Variants in AFF4 observed in about 807,000 individuals in gnomAD.
AFF4 encodes the protein ALF transcription elongation factor 4, also known as AF4/FMR2 family member 4.
A neutral mutation model predicts 124.8 loss-of-function variants in AFF4; 13 were observed. That is an observed-to-expected ratio of 0.10 (90% confidence interval 0.07 to 0.17). The LOEUF is 0.17. Ranked by LOEUF, AFF4 falls within the 10% of genes least tolerant of loss-of-function variation. The probability of loss-of-function intolerance (pLI) is 1.00; values close to 1 mark genes in which losing one functional copy is unlikely to be tolerated. For synonymous variants in AFF4, 477 were observed against 496.1 expected, an observed-to-expected ratio of 0.96 and a Z score of 0.51; for missense variants, 1,092 against 1,403.8, an observed-to-expected ratio of 0.78 and a Z score of 3.55.
At chr5:132,942,124 A>G (rs187426612) in intron 1 of AFF4, among the ~76,000 whole-genome samples, 4 of 152,256 alleles carry the variant, frequency 2.6e-5, no homozygotes, top group African/African-American at 9.6e-5. Context: ...TCAGTCCCCA[A>G]GGCTGCTCCC....
chr5:132,952,216 T>C (rs1383813875), intron 1 of AFF4, among the ~76,000 whole-genome samples: 1 of 152,208 alleles, frequency 6.6e-6, no homozygotes, highest in Non-Finnish European at 1.5e-5. Context: ...ACTAATACTT[T>C]CCAAAATGCC....
At position 132,879,091 on chromosome 5, in the gene AFF4, G is replaced by A. The variant is rs1581263108; in HGVS notation, c.*1968C>T. 1 of 221,576 alleles carries A rather than the reference G, an allele frequency of 4.5e-6. No homozygotes were observed. The highest frequency in any genetic ancestry group is 9.0e-6 in the Non-Finnish European group (1 of 110,926). 13.7% of individuals were successfully genotyped at this position (221,576 alleles called of 1,614,324 possible). Reference sequence around the variant, plus strand: ...AAGATTAAGTTAGAAAGATATCAGAGGCAATTTCTCCAAGAGAAACAGGTT... The same window carrying A: ...AAGATTAAGTTAGAAAGATATCAGAAGCAATTTCTCCAAGAGAAACAGGTT... On this transcript the variant is annotated 3_prime_UTR_variant, in exon 21 of 21. Transcript: ENST00000265343.
At chr5:132,925,846 G>T (rs536275639) in intron 5 of AFF4, among the ~76,000 whole-genome samples, 3 of 152,280 alleles carry the variant, frequency 2.0e-5, no homozygotes, top group African/African-American at 7.2e-5. Flanking sequence ...ATTTGTGAGT[G>T]TATGTATTAA....
intron 1 of AFF4, among the ~76,000 whole-genome samples, chr5:132,961,619 G>A (rs1762084166): frequency 6.6e-6 from 1 of 152,146 alleles, no homozygotes; most frequent in Non-Finnish European, 1.5e-5. Flanking sequence ...AGTAGAAAGT[G>A]ACTCAGAACA....
At chr5:132,916,112 C>CATGG (rs1334120663) in intron 5 of AFF4, among the ~76,000 whole-genome samples, 3 of 151,552 alleles carry the variant, frequency 2.0e-5, no homozygotes, top group Non-Finnish European at 4.4e-5. Flanking sequence ...GTGGCGGGCA[C>CATGG]CTGTAATCCC....
rs566369397 is a variant in AFF4 at position 132,883,632 on chromosome 5, T to C, written c.3144-72A>G. 1.3e-5 allele frequency: 17 copies of C among 1,335,728 alleles called. No individual in the cohort carries two copies. The African/African-American group carries it at 2.2e-4, about 17-fold the overall frequency. The allele number at this position is 1,335,728 out of a possible 1,614,324, so 82.7% of individuals were successfully genotyped here. A position where few individuals can be genotyped will look rare whatever the true frequency, so the allele number is the denominator to read the frequency against. On this transcript the variant is annotated intron_variant, in intron 19 of 20. Coordinates refer to ENST00000265343, the MANE Select transcript of AFF4 (RefSeq NM_014423.4). ...TTATAAAATCAAGTACTACTAGCTC[T>C]TTCTACATGAAAGCATTTAAAATGT...
chr5:132,909,771 A>C (rs1440045677), intron 5 of AFF4, among the ~76,000 whole-genome samples: 2 of 152,236 alleles, frequency 1.3e-5, no homozygotes, highest in Non-Finnish European at 2.9e-5. Flanking sequence ...TTGTTCCAAC[A>C]CTGCAACTGT....
At chr5:132,938,333 T>A (rs1761481564) in intron 1 of AFF4, among the ~76,000 whole-genome samples, 1 of 151,796 alleles carries the variant, frequency 6.6e-6, no homozygotes, top group African/African-American at 2.4e-5. Context: ...TGGTGCGATC[T>A]CCCAGCTCAC....
In AFF4 at chr5:132,877,615, C is replaced by A. The variant is rs748166671; in HGVS notation, c.*3444G>T. 1 of 210,230 alleles carries A rather than the reference C, an allele frequency of 4.8e-6. No homozygotes were observed. The highest frequency in any genetic ancestry group is 1.5e-3 in the Middle Eastern group (1 of 666). The allele number at this position is 210,230 out of a possible 1,614,324, so 13.0% of individuals were successfully genotyped here. On this transcript the variant is annotated 3_prime_UTR_variant, in exon 21 of 21. Transcript: ENST00000265343. The stretch of plus-strand genomic sequence containing the variant: ...CTAGAAGAGTGCACAGTGTACTCCT[C>A]CTCTATATAACTAGGCATCACTGAC...
At chr5:132,917,887 A>ATT (rs35972644) in intron 5 of AFF4, among the ~76,000 whole-genome samples, 3 of 147,972 alleles carry the variant, frequency 2.0e-5, no homozygotes, top group East Asian at 4.0e-4. Context: ...TAATTTTTGT[A>ATT]TTTTTTTAGC....
In AFF4 at chr5:132,963,441, G is replaced by A. The variant is rs879454253; in HGVS notation, c.-187C>T. 1 of 398,102 alleles carries A rather than the reference G, an allele frequency of 2.5e-6. No homozygotes were observed. Among genetic ancestry groups the A allele is most frequent in the Non-Finnish European group, 4.4e-6 (1 of 225,844 alleles). The allele number at this position is 398,102 out of a possible 1,614,324, so 24.7% of individuals were successfully genotyped here. ...GCCTCGACAAACGAAGGCGGCGTCG[G>A]CGGCGGCGGCAGCGATGCGCCTCAC... On this transcript the variant is annotated 5_prime_UTR_variant, in exon 1 of 21. Coordinates refer to ENST00000265343, the MANE Select transcript of AFF4 (RefSeq NM_014423.4).
intron 5 of AFF4, among the ~76,000 whole-genome samples, chr5:132,912,913 A>T (rs1190510781): frequency 1.3e-5 from 2 of 152,096 alleles, no homozygotes; most frequent in South Asian, 2.1e-4. Context: ...GAAATCAAAA[A>T]GCAAGATAGT....
At chr5:132,886,945 G>A (rs1320368253) in intron 17 of AFF4, among the ~76,000 whole-genome samples, 3 of 152,052 alleles carry the variant, frequency 2.0e-5, no homozygotes, top group Non-Finnish European at 4.4e-5. Flanking sequence ...ACCCTCTACT[G>A]TTACAGTTAC....
At chr5:132,942,318 C>T (rs1761589381) in intron 1 of AFF4, among the ~76,000 whole-genome samples, 1 of 152,068 alleles carries the variant, frequency 6.6e-6, no homozygotes, top group Non-Finnish European at 1.5e-5. Context: ...ATAAATAAAC[C>T]GTCAAATGAA....
chr5:132,886,036 T>C (rs1199421361), intron 18 of AFF4, among the ~76,000 whole-genome samples: 1 of 152,156 alleles, frequency 6.6e-6, no homozygotes, highest in Admixed American at 6.5e-5. Flanking sequence ...CCTCCCAAAG[T>C]GCTGAGATTA....
At chr5:132,900,889 T>C (rs1760534137) in intron 7 of AFF4, 3 of 984,278 alleles carry the variant, frequency 3.0e-6, no homozygotes, top group Non-Finnish European at 3.6e-6. Flanking sequence ...AAAATTTCAT[T>C]ACAATCTCCA....
chr5:132,930,247 T>C (rs780298875), intron 4 of AFF4, among the ~76,000 whole-genome samples: 2 of 151,848 alleles, frequency 1.3e-5, no homozygotes, highest in Non-Finnish European at 2.9e-5. Flanking sequence ...CCAAGAATGG[T>C]GGAAAAGGCA....
chr5:132,932,250 A>C (rs950099278), intron 3 of AFF4, 28 bp from the exon 4 acceptor site: 6 of 1,588,386 alleles, frequency 3.8e-6, no homozygotes, highest in Middle Eastern at 3.4e-4. Flanking sequence ...CACACATTAG[A>C]TTTTTATCAG....
intron 1 of AFF4, among the ~76,000 whole-genome samples, chr5:132,945,989 C>T (rs1045700482): frequency 3.3e-5 from 5 of 150,948 alleles, no homozygotes; most frequent in African/African-American, 4.9e-5. Context: ...GAACCCGGGA[C>T]GCGGAGGTTG....
Sources: allele counts gnomAD v4.1 joint callset (sites outside exome capture counted in the v4.1 genomes callset), GRCh38; gene constraint gnomAD v4.1.1; transcripts MANE v1.5; gene names NCBI Gene and HGNC (gene_info 2026-07-23, HGNC 2026-07-21).